Variants in PTK7 observed in about 807,000 individuals in gnomAD.
The protein encoded by PTK7 is protein tyrosine kinase 7 (inactive), also known as inactive tyrosine-protein kinase 7.
A neutral mutation model predicts 116.6 loss-of-function variants in PTK7; 39 were observed. The observed-to-expected ratio is 0.33, with a 90% CI of 0.26 to 0.44. The LOEUF (loss-of-function observed/expected upper bound fraction) is 0.44. Among genes scored for constraint, PTK7 ranks in the 20% least tolerant of loss-of-function variants. PTK7 has a pLI of 1.00. For synonymous variants in PTK7, 546 were observed against 563.6 expected, an observed-to-expected ratio of 0.97 and a Z score of 0.44; for missense variants, 1,169 against 1,425.6, an observed-to-expected ratio of 0.82 and a Z score of 2.90.
At position 43,126,319 on chromosome 6, in the gene PTK7, G is replaced by A. The variant is rs115887023; in HGVS notation, c.80-2658G>A. On this transcript the variant is annotated intron_variant, in intron 1 of 19. Coordinates refer to ENST00000230419, the MANE Select transcript of PTK7 (RefSeq NM_002821.5). ...TGGGTGGCAGAGTAAGTAAGACTCC[G>A]TCTCAAAAAAAAAGAAAGGTCCTAG... is the stretch of plus-strand genomic sequence containing the variant. 9.8e-3 allele frequency among the ~76,000 whole-genome samples: 1,487 copies of A among 151,880 alleles called. 23 individuals carry two copies. The highest frequency in any genetic ancestry group is 0.033 in the African/African-American group (1,362 of 41,408).
Position 43,141,043 on chromosome 6 carries a change from CT to C in PTK7, c.1619-617del, listed in dbSNP as rs1399922944. ...TGTTAACCAGCCACCCACCCACCCC[CT>C]TTTTTTTCATTGCTGCAATAAACAT... On this transcript the variant is annotated intron_variant, in intron 10 of 19. Transcript: ENST00000230419. This position sits in a 1 kb window ranked among gnomAD's most constrained non-coding sequence, Gnocchi z 4.9. 1.3e-5 allele frequency among the ~76,000 whole-genome samples: 2 copies of C among 151,734 alleles called. No individual in the cohort carries two copies. Among genetic ancestry groups the C allele is most frequent in the African/African-American group, 4.8e-5 (2 of 41,280 alleles).
intron 1 of PTK7, among the ~76,000 whole-genome samples, chr6:43,107,342 C>G (rs2150398107): frequency 6.6e-6 from 1 of 152,332 alleles, no homozygotes; most frequent in South Asian, 2.1e-4. Flanking sequence ...AGACTTTCCT[C>G]AGGCCAGAAG....
chr6:43,094,351 A>G (rs1247054892), intron 1 of PTK7, among the ~76,000 whole-genome samples: 2 of 151,822 alleles, frequency 1.3e-5, no homozygotes, highest in African/African-American at 4.8e-5. Flanking sequence ...AAGGCTAAGG[A>G]ATTCTTTTTT....
At chr6:43,081,181 C>G (rs1766356234) in intron 1 of PTK7, among the ~76,000 whole-genome samples, 1 of 152,184 alleles carries the variant, frequency 6.6e-6, no homozygotes, top group Non-Finnish European at 1.5e-5. Context: ...TCTCCTGTCT[C>G]TCTGTTGCCC....
At chr6:43,157,362 A>ATTTTTT (rs1561990570) in intron 17 of PTK7, among the ~76,000 whole-genome samples, 3 of 34,248 alleles carry the variant, frequency 8.8e-5, no homozygotes, top group African/African-American at 1.4e-4. Context: ...ATATATATAT[A>ATTTTTT]TATTTTTTTT....
chr6:43,136,570 A>G (rs755664076), intron 7 of PTK7, among the ~76,000 whole-genome samples: 28 of 152,218 alleles, frequency 1.8e-4, no homozygotes, highest in African/African-American at 3.1e-4. Context: ...TCTCCTCCAC[A>G]TGGCATCTCC....
intron 7 of PTK7, chr6:43,133,790 G>A (rs1453534070): frequency 2.6e-5 from 4 of 152,148 alleles, no homozygotes; most frequent in Admixed American, 2.6e-4. Flanking sequence ...CTTTCCGAGT[G>A]GGTAACTTTG....
At chr6:43,138,655 C>A in intron 7 of PTK7, 194 bp from the exon 8 acceptor site, 1 of 619,322 alleles carries the variant, frequency 1.6e-6, no homozygotes, top group Non-Finnish European at 2.6e-6. Context: ...GAGTGAGAAC[C>A]TGTCTTAAAA....
intron 17 of PTK7, among the ~76,000 whole-genome samples, chr6:43,151,970 G>GA (rs1291206332): frequency 7.3e-5 from 11 of 151,412 alleles, no homozygotes; most frequent in Admixed American, 2.0e-4. Flanking sequence ...TGAACCTCCC[G>GA]AGTAGCTGGG....
At chr6:43,118,180 C>T (rs1197563983) in intron 1 of PTK7, among the ~76,000 whole-genome samples, 2 of 150,336 alleles carry the variant, frequency 1.3e-5, no homozygotes, top group Non-Finnish European at 3.0e-5. Context: ...CACCTATGGC[C>T]CCTGAGCACT....
Position 43,145,245 on chromosome 6 carries a change from TGGA to T in PTK7, c.2459_2461del (p.Glu820del). On this transcript the variant is annotated inframe_deletion, in exon 16 of 20. Transcript: ENST00000230419. The surrounding 1 kb of genome is among the most constrained non-coding windows in gnomAD (Gnocchi z 4.8). Reference sequence around the variant, plus strand: ...GTGTTCCTGGCAAAGGCTCAGGGCTTGGAGGAGGGAGTGGCAGAGACCCTGGTA... The same window carrying T: ...GTGTTCCTGGCAAAGGCTCAGGGCTTGGAGGGAGTGGCAGAGACCCTGGTA... 3.7e-6 allele frequency: 6 copies of T among 1,613,326 alleles called. No individual in the cohort carries two copies. The highest frequency in any genetic ancestry group is 5.1e-6 in the Non-Finnish European group (6 of 1,179,462).
rs371124485 is a variant in PTK7 at position 43,144,594 on chromosome 6, A to C, written c.2395A>C (p.Ile799Leu). Residue 799 changes from isoleucine (I) to leucine (L), a missense_variant, in exon 15 of 20, where the codon ATC (isoleucine) becomes CTC (leucine). Ile to Leu is a conservative substitution (Grantham distance 5). Around this residue, in one of 3 missense-constraint regions of PTK7, gnomAD observed 678 missense variants for 853.8 expected, o/e 0.79. Coordinates refer to ENST00000230419, the MANE Select transcript of PTK7 (RefSeq NM_002821.5). The stretch of plus-strand genomic sequence containing the variant: ...CTTCCCACGGTCTAGCCTGCAGCCC[A>C]TCACCACGCTGGGTATGTTGCCTTG... ...MHFPRSSLQP[I>L]TTLGKSEFGE... The C allele has an allele frequency of 5.6e-6, 9 of 1,611,674 alleles. No individual in the cohort carries two copies. The African/African-American group carries it at 1.2e-4, about 22-fold the overall frequency.
chr6:43,118,659 CTATATATATATATATA>C (rs58935341), intron 1 of PTK7, among the ~76,000 whole-genome samples: 70 of 53,010 alleles, frequency 1.3e-3, no homozygotes, highest in Middle Eastern at 0.014. Context: ...CTCTCTCTCT[CTATATATATATATATA>C]TATATATATA....
chr6:43,100,269 G>C (rs1424374142), intron 1 of PTK7, among the ~76,000 whole-genome samples: 1 of 151,958 alleles, frequency 6.6e-6, no homozygotes, highest in East Asian at 1.9e-4. Flanking sequence ...TATAGTCCCA[G>C]CTACTCAGGA....
chr6:43,123,740 C>T (rs946017518), intron 1 of PTK7, among the ~76,000 whole-genome samples: 10 of 152,228 alleles, frequency 6.6e-5, no homozygotes, highest in African/African-American at 1.9e-4. Flanking sequence ...TTGGGGTCGG[C>T]GCCTGGTGTG....
chr6:43,115,947 A>AAAAAGG (rs577047547), intron 1 of PTK7, among the ~76,000 whole-genome samples: 7 of 128,410 alleles, frequency 5.5e-5, no homozygotes, highest in Non-Finnish European at 6.4e-5. Context: ...AAAAAAAAAA[A>AAAAAGG]GGCAGTGGGC....
intron 1 of PTK7, among the ~76,000 whole-genome samples, chr6:43,116,651 T>TGCGCGC (rs879197725): frequency 1.4e-4 from 11 of 77,278 alleles, no homozygotes; most frequent in African/African-American, 7.1e-4. Flanking sequence ...TGTGTGTGTG[T>TGCGCGC]GCGCGCGCAC....
intron 1 of PTK7, among the ~76,000 whole-genome samples, chr6:43,107,757 A>G (rs932106260): frequency 2.6e-5 from 4 of 152,212 alleles, no homozygotes; most frequent in Non-Finnish European, 4.4e-5. Context: ...TGCTGGTTCC[A>G]CATCATGTTG....
intron 17 of PTK7, among the ~76,000 whole-genome samples, chr6:43,154,482 A>G (rs1207099298): frequency 1.3e-5 from 2 of 152,242 alleles, no homozygotes; most frequent in Non-Finnish European, 2.9e-5. Context: ...ACACATATGT[A>G]TATATTTTTA....
Sources: gnomAD v4.1 joint callset for allele counts (sites outside exome capture counted in the v4.1 genomes callset) on GRCh38, gnomAD v4.1.1 for gene constraint, gnomAD v4.1.1 regional missense constraint, Gnocchi (gnomAD v3.1) non-coding constraint, MANE v1.5 for transcripts, NCBI Gene and HGNC (gene_info 2026-07-23, HGNC 2026-07-21) for gene names.